The following SUCLG2 variants were observed in gnomAD, a reference collection of about 807,000 sequenced individuals.
SUCLG2 encodes the protein succinate-CoA ligase GDP-forming subunit beta.
Under a neutral mutation model 47.9 loss-of-function variants are expected in SUCLG2, and 42 were observed. The observed-to-expected ratio is 0.88, with a 90% CI of 0.69 to 1.14. SUCLG2 has a LOEUF of 1.14. Among genes scored for constraint, SUCLG2 ranks in the 50% most tolerant of loss-of-function variants. SUCLG2 has a pLI of 0.00. For missense variants in SUCLG2, 571 were observed against 525.9 expected, an observed-to-expected ratio of 1.09 and a Z score of -0.84; for synonymous variants, 195 against 197.3, an observed-to-expected ratio of 0.99 and a Z score of 0.10.
At chr3:67,377,696 C>G (rs563170015) in intron 10 of SUCLG2, among the ~76,000 whole-genome samples, 2 of 152,290 alleles carry the variant, frequency 1.3e-5, no homozygotes, top group East Asian at 3.9e-4. Context: ...CTGTGTCACC[C>G]AAGATGGAGT....
rs1229967872 is a variant in SUCLG2 at position 67,518,301 on chromosome 3, G to T, written c.606C>A (p.Ser202Arg). The T allele has an allele frequency of 6.2e-7, 1 of 1,612,216 alleles. No homozygotes were observed. The highest frequency in any genetic ancestry group is 8.5e-7 in the Non-Finnish European group (1 of 1,178,908). The change falls in exon 6 of 11, where the codon AGC becomes AGA. Residue 202 changes from serine to arginine, a missense_variant. Physicochemically the swap from Ser to Arg is moderately radical, Grantham distance 110 (BLOSUM62 -1). Coordinates refer to ENST00000307227, the MANE Select transcript of SUCLG2 (RefSeq NM_003848.4). ...GATTTTCGGCCATCCGCTGAGCTTG[G>T]CTGTCCTTTATTCCTTCAAAAATGT... is the stretch of plus-strand genomic sequence containing the variant. Reference protein sequence around the residue: ...QIDIFEGIKDSQAQRMAENLG... With the variant: ...QIDIFEGIKDRQAQRMAENLG...
chr3:67,448,683 T>C (rs1486583578), intron 9 of SUCLG2, among the ~76,000 whole-genome samples: 1 of 152,240 alleles, frequency 6.6e-6, no homozygotes, highest in Admixed American at 6.5e-5. Context: ...AATATTAATA[T>C]GTTGCTTTAG....
intron 9 of SUCLG2, among the ~76,000 whole-genome samples, chr3:67,404,580 C>T (rs4538392): frequency 0.71 from 107,559 of 151,680 alleles, 38,550 homozygotes; most frequent in Admixed American, 0.81. Flanking sequence ...ACACACGATA[C>T]ACCACAGCAC....
intron 2 of SUCLG2, among the ~76,000 whole-genome samples, chr3:67,554,275 G>A (rs879454284): frequency 3.9e-5 from 6 of 152,176 alleles, no homozygotes; most frequent in Non-Finnish European, 8.8e-5. Context: ...GCTACCCTCT[G>A]TAAGGCTAAA....
At chr3:67,404,479 T>C (rs1426991066) in intron 9 of SUCLG2, among the ~76,000 whole-genome samples, 1 of 151,812 alleles carries the variant, frequency 6.6e-6, no homozygotes, top group East Asian at 1.9e-4. Context: ...GTATGACAAA[T>C]ACTAACAAAG....
intron 2 of SUCLG2, among the ~76,000 whole-genome samples, chr3:67,553,698 A>G (rs1434886404): frequency 6.7e-6 from 1 of 149,446 alleles, no homozygotes; most frequent in Non-Finnish European, 1.5e-5. Flanking sequence ...ACTCCCTAAC[A>G]AATTAAAATA....
At chr3:67,649,501 A>T (rs1701249136) in intron 1 of SUCLG2, among the ~76,000 whole-genome samples, 1 of 151,994 alleles carries the variant, frequency 6.6e-6, no homozygotes, top group Non-Finnish European at 1.5e-5. Context: ...CCCCATTTAG[A>T]CTTCTTTGTA....
intron 9 of SUCLG2, among the ~76,000 whole-genome samples, chr3:67,462,118 T>C (rs1704351853): frequency 6.6e-6 from 1 of 152,192 alleles, no homozygotes; most frequent in African/African-American, 2.4e-5. Flanking sequence ...CCTTTTGTTA[T>C]AATGTTGGGG....
chr3:67,651,543 C>T (rs1253357575), intron 1 of SUCLG2, among the ~76,000 whole-genome samples: 1 of 152,040 alleles, frequency 6.6e-6, no homozygotes, highest in Non-Finnish European at 1.5e-5. Flanking sequence ...TATAATTTCA[C>T]CTAAAGTACA....
intron 2 of SUCLG2, among the ~76,000 whole-genome samples, chr3:67,598,380 T>C (rs1392509653): frequency 3.9e-5 from 6 of 152,188 alleles, no homozygotes; most frequent in African/African-American, 1.4e-4. Context: ...AAAAACTTTA[T>C]TCTTTAAATG....
chr3:67,535,547 C>T (rs188189577), intron 2 of SUCLG2, among the ~76,000 whole-genome samples: 30 of 152,084 alleles, frequency 2.0e-4, no homozygotes, highest in African/African-American at 7.2e-4. Context: ...GAGACGATCC[C>T]TTATGAATAG....
chr3:67,376,970 A>C (rs1206979749), intron 10 of SUCLG2, among the ~76,000 whole-genome samples: 4 of 152,214 alleles, frequency 2.6e-5, no homozygotes, highest in Admixed American at 6.5e-5. Flanking sequence ...TAAATCGTTT[A>C]ACTTCTTTGA....
At chr3:67,617,947 T>C (rs1190519628) in intron 1 of SUCLG2, among the ~76,000 whole-genome samples, 5 of 152,214 alleles carry the variant, frequency 3.3e-5, no homozygotes, top group Admixed American at 2.0e-4. Flanking sequence ...ATCATATAAA[T>C]AATTTTGTTT....
chr3:67,602,148 T>C (rs1456689055), intron 2 of SUCLG2, among the ~76,000 whole-genome samples: 6 of 152,148 alleles, frequency 3.9e-5, no homozygotes. Context: ...AAGGAAAGTC[T>C]TTCCCTTTGG....
chr3:67,636,306 A>C (rs1013924839), intron 1 of SUCLG2, among the ~76,000 whole-genome samples: 4 of 152,090 alleles, frequency 2.6e-5, no homozygotes, highest in African/African-American at 9.7e-5. Context: ...AGAAAAGGAG[A>C]AGATTCTCAT....
intron 9 of SUCLG2, among the ~76,000 whole-genome samples, chr3:67,417,504 T>C (rs1487022985): frequency 6.6e-6 from 1 of 152,254 alleles, no homozygotes; most frequent in Non-Finnish European, 1.5e-5. Context: ...CATTTCTTAA[T>C]AATGGTGCGA....
chr3:67,499,014 A>G (rs4856867), intron 7 of SUCLG2, among the ~76,000 whole-genome samples: 122,333 of 152,100 alleles, frequency 0.8, 49,690 homozygotes, highest in African/African-American at 0.89. Flanking sequence ...GAATTGTGCA[A>G]TATGAACGAA....
At chr3:67,501,358 T>C (rs1484604694) in intron 7 of SUCLG2, among the ~76,000 whole-genome samples, 1 of 152,192 alleles carries the variant, frequency 6.6e-6, no homozygotes, top group East Asian at 1.9e-4. Flanking sequence ...GTTACGCCTG[T>C]TTTATATTTT....
At chr3:67,620,456 G>T (rs1388312524) in intron 1 of SUCLG2, among the ~76,000 whole-genome samples, 1 of 151,730 alleles carries the variant, frequency 6.6e-6, no homozygotes. Context: ...GTGGTGGCAC[G>T]CACCTTTAAT....
Sources: gnomAD v4.1 joint callset for allele counts (sites outside exome capture counted in the v4.1 genomes callset) on GRCh38, gnomAD v4.1.1 for gene constraint, MANE v1.5 for transcripts, NCBI Gene and HGNC (gene_info 2026-07-23, HGNC 2026-07-21) for gene names.